Variants in ACOXL observed in about 807,000 individuals in gnomAD.
The protein encoded by ACOXL is acyl-CoA oxidase like.
Under a neutral mutation model 71.9 loss-of-function variants are expected in ACOXL, and 70 were observed. That is an observed-to-expected ratio of 0.97 (90% CI 0.80 to 1.19). ACOXL has a LOEUF of 1.19. Among genes scored for constraint, ACOXL ranks in the 50% most tolerant of loss-of-function variants. ACOXL has a pLI of 0.00. For synonymous variants in ACOXL, 253 were observed against 281.6 expected (o/e 0.90, Z 1.02); for missense variants, 703 against 736.3 (o/e 0.95, Z 0.52).
intron 16 of ACOXL, among the ~76,000 whole-genome samples, chr2:111,086,451 A>G (rs1368634200): frequency 6.6e-6 from 1 of 152,252 alleles, no homozygotes; most frequent in Admixed American, 6.5e-5. Context: ...AAACAGAACT[A>G]AAGACAAAAA....
chr2:111,017,845 C>T (rs1280647866), intron 14 of ACOXL: 1 of 152,202 alleles, frequency 6.6e-6, no homozygotes, highest in Non-Finnish European at 1.5e-5. Context: ...GTAGTTGTTA[C>T]TGTTGTTTAA....
chr2:110,734,522 C>T (rs765485225), intron 1 of ACOXL, among the ~76,000 whole-genome samples: 5 of 152,106 alleles, frequency 3.3e-5, no homozygotes, highest in Non-Finnish European at 5.9e-5. Flanking sequence ...CCGCCTGCCT[C>T]GGTCTCCCAA....
chr2:111,035,190 C>T (rs1037324242), intron 15 of ACOXL, among the ~76,000 whole-genome samples: 2 of 152,130 alleles, frequency 1.3e-5, no homozygotes, highest in African/African-American at 4.8e-5. Flanking sequence ...AATGTCACCC[C>T]AGATGACAAT....
chr2:110,782,906 G>A (rs1430586397), intron 2 of ACOXL, among the ~76,000 whole-genome samples: 1 of 152,150 alleles, frequency 6.6e-6, no homozygotes, highest in Admixed American at 6.5e-5. Context: ...AGATGAACTG[G>A]GGGCCCAGGA....
At chr2:110,756,365 T>C (rs547139358) in intron 1 of ACOXL, among the ~76,000 whole-genome samples, 2 of 152,234 alleles carry the variant, frequency 1.3e-5, no homozygotes, top group Admixed American at 6.5e-5. Flanking sequence ...CTGACCTCAG[T>C]TGATCCGCCC....
At chr2:110,932,743 G>A (rs925743566) in intron 11 of ACOXL, among the ~76,000 whole-genome samples, 20 of 152,220 alleles carry the variant, frequency 1.3e-4, no homozygotes, top group Middle Eastern at 3.2e-3. Context: ...GTCCCACTTT[G>A]TGCTGGGTCA....
chr2:110,877,507 G>T (rs1381052354), intron 10 of ACOXL, among the ~76,000 whole-genome samples: 1 of 152,024 alleles, frequency 6.6e-6, no homozygotes, highest in South Asian at 2.1e-4. Flanking sequence ...TTGTTCGGTT[G>T]TTTTTTCAAA....
At chr2:110,821,151 G>T (rs760329196) in intron 9 of ACOXL, among the ~76,000 whole-genome samples, 2 of 152,220 alleles carry the variant, frequency 1.3e-5, no homozygotes, top group Non-Finnish European at 2.9e-5. Flanking sequence ...TTCCATGGTC[G>T]TGTGGCAGGG....
intron 14 of ACOXL, chr2:111,016,632 C>T (rs983427736): frequency 2.0e-4 from 31 of 152,420 alleles, no homozygotes; most frequent in African/African-American, 7.0e-4. Flanking sequence ...ACACTCATCA[C>T]GTGTCCATCC....
chr2:111,082,086 A>T (rs375810585), intron 16 of ACOXL, among the ~76,000 whole-genome samples: 2 of 152,240 alleles, frequency 1.3e-5, no homozygotes, highest in African/African-American at 4.8e-5. Flanking sequence ...AACCTAGGCA[A>T]TAGCATTCAG....
chr2:111,089,665 T>TG (rs1203417185), intron 16 of ACOXL, among the ~76,000 whole-genome samples: 1 of 152,176 alleles, frequency 6.6e-6, no homozygotes, highest in Non-Finnish European at 1.5e-5. Flanking sequence ...AAATAGTTTA[T>TG]GGGGGGAAAG....
intron 12 of ACOXL, among the ~76,000 whole-genome samples, chr2:110,954,769 C>T (rs2061437953): frequency 1.3e-5 from 2 of 151,888 alleles, no homozygotes; most frequent in South Asian, 4.2e-4. Context: ...TCTTGCATCT[C>T]TGTAGTCATT....
chr2:110,894,374 A>G (rs934731364), intron 10 of ACOXL, among the ~76,000 whole-genome samples: 1 of 150,186 alleles, frequency 6.7e-6, no homozygotes, highest in Admixed American at 6.6e-5. Flanking sequence ...TTCTCTAGCC[A>G]GAGGACCAGA....
chr2:111,031,537 A>G, intron 14 of ACOXL, 90 bp from the exon 15 acceptor site: 1 of 1,217,030 alleles, frequency 8.2e-7, no homozygotes, highest in Non-Finnish European at 1.2e-6. Context: ...TGTAGTACTG[A>G]AAATTTGGAT....
Position 111,093,531 on chromosome 2 carries a change from T to A in ACOXL, c.1542+565T>A, listed in dbSNP as rs747159921. ...ACAGGTATAAGACTCAGTCTCCACA[T>A]GAAGGGAGCTCATATCCAAGGACAC... On this transcript the variant is annotated intron_variant, in intron 17 of 17. Coordinates refer to ENST00000439055, the MANE Select transcript of ACOXL (RefSeq NM_001142807.4). The A allele has an allele frequency of 2.5e-6, 4 of 1,613,910 alleles. No individual in the cohort carries two copies. In the East Asian group the frequency reaches 8.9e-5, roughly 36 times the overall value.
intron 14 of ACOXL, among the ~76,000 whole-genome samples, chr2:111,029,830 C>T (rs1384126757): frequency 6.6e-6 from 1 of 152,156 alleles, no homozygotes; most frequent in Non-Finnish European, 1.5e-5. Flanking sequence ...CTTCAAGGGG[C>T]CTTTCCTCTT....
chr2:110,890,687 G>A (rs1697829411), intron 10 of ACOXL, among the ~76,000 whole-genome samples: 2 of 152,126 alleles, frequency 1.3e-5, no homozygotes, highest in Admixed American at 1.3e-4. Flanking sequence ...TCCTATGCCA[G>A]TATCACCTTT....
intron 14 of ACOXL, among the ~76,000 whole-genome samples, chr2:111,021,456 T>C (rs1481527294): frequency 1.3e-5 from 2 of 152,118 alleles, no homozygotes; most frequent in Non-Finnish European, 2.9e-5. Context: ...CTAGCTCAGT[T>C]TCAAAGCTTA....
At chr2:110,937,057 G>C (rs1457949805) in intron 12 of ACOXL, among the ~76,000 whole-genome samples, 1 of 152,128 alleles carries the variant, frequency 6.6e-6, no homozygotes, top group East Asian at 1.9e-4. Flanking sequence ...ATGTTGGTCA[G>C]GCTGGTCTCG....
Sources: allele counts gnomAD v4.1 joint callset (sites outside exome capture counted in the v4.1 genomes callset), GRCh38; gene constraint gnomAD v4.1.1; transcripts MANE v1.5; gene names NCBI Gene and HGNC (gene_info 2026-07-23, HGNC 2026-07-21).